PRKN: variants seen among roughly 807,000 people sequenced by gnomAD.
The protein encoded by PRKN is E3 ubiquitin-protein ligase parkin.
PRKN carries 56 observed loss-of-function variants against 59.5 expected under a neutral mutation model. That is an observed-to-expected ratio of 0.94 (90% confidence interval 0.76 to 1.18). The LOEUF (loss-of-function observed/expected upper bound fraction) is 1.18. Ranked by LOEUF, PRKN falls within the 50% of genes most tolerant of loss-of-function variation. The pLI, the probability that PRKN is intolerant of heterozygous loss-of-function variation, is 0.00. For synonymous variants in PRKN, 250 were observed against 222.1 expected, an observed-to-expected ratio of 1.13 and a Z score of -1.12; for missense variants, 657 against 596.4, an observed-to-expected ratio of 1.10 and a Z score of -1.06.
intron 2 of PRKN, among the ~76,000 whole-genome samples, chr6:162,343,137 G>T (rs1784259392): frequency 6.6e-6 from 1 of 152,098 alleles, no homozygotes; most frequent in Non-Finnish European, 1.5e-5. Context: ...AGAAATATCT[G>T]CTTATTACAT....
chr6:161,638,073 A>T lies in PRKN; in HGVS notation c.872-68657T>A, dbSNP rs547601785. On this transcript the variant is annotated intron_variant, in intron 7 of 11. Coordinates refer to ENST00000366898, the MANE Select transcript of PRKN (RefSeq NM_004562.3). ...GACAAACAATGCCTCCCACCATCAC[A>T]GATAATAATTACAAAACTTTACCTT... 9.9e-5 allele frequency among the ~76,000 whole-genome samples: 15 copies of T among 152,060 alleles called. No individual in the cohort carries two copies. In the South Asian group the frequency reaches 1.0e-3, roughly 11 times the overall value.
At chr6:162,650,597 C>CAAAAAA (rs142452684) in intron 1 of PRKN, among the ~76,000 whole-genome samples, 1 of 95,368 alleles carries the variant, frequency 1.0e-5, no homozygotes, top group Non-Finnish European at 2.0e-5. Flanking sequence ...GACTCCGTCT[C>CAAAAAA]AAAAAAAAAA....
intron 5 of PRKN, among the ~76,000 whole-genome samples, chr6:161,984,291 T>G (rs1781354467): frequency 1.3e-5 from 2 of 152,196 alleles, no homozygotes; most frequent in South Asian, 4.1e-4. Context: ...GGAGTCTCAT[T>G]CTGTTGCCCA....
intron 9 of PRKN, among the ~76,000 whole-genome samples, chr6:161,542,219 C>T (rs918284931): frequency 6.6e-6 from 1 of 152,204 alleles, no homozygotes; most frequent in Non-Finnish European, 1.5e-5. Flanking sequence ...ATGTGACATA[C>T]AAAATACCTG....
intron 6 of PRKN, among the ~76,000 whole-genome samples, chr6:161,909,349 T>A (rs1413331273): frequency 6.6e-6 from 1 of 152,220 alleles, no homozygotes; most frequent in Non-Finnish European, 1.5e-5. Flanking sequence ...AGGTATTTCA[T>A]CTATTTGTTC....
chr6:162,039,344 G>C (rs1783973671), intron 5 of PRKN, among the ~76,000 whole-genome samples: 1 of 152,220 alleles, frequency 6.6e-6, no homozygotes, highest in Non-Finnish European at 1.5e-5. Flanking sequence ...CAAGTCTTCT[G>C]TTGAATTAGA....
chr6:162,335,145 C>G (rs1422702119), intron 2 of PRKN, among the ~76,000 whole-genome samples: 1 of 151,812 alleles, frequency 6.6e-6, no homozygotes, highest in Non-Finnish European at 1.5e-5. Flanking sequence ...TCCCGAGTAC[C>G]TGTGATTATA....
intron 9 of PRKN, among the ~76,000 whole-genome samples, chr6:161,478,111 C>A (rs930209615): frequency 1.3e-5 from 2 of 152,038 alleles, no homozygotes; most frequent in South Asian, 4.1e-4. Context: ...AGATTTGGGG[C>A]CTGGTTGATT....
At chr6:162,594,603 A>C (rs1253258955) in intron 1 of PRKN, among the ~76,000 whole-genome samples, 2 of 152,206 alleles carry the variant, frequency 1.3e-5, no homozygotes, top group Non-Finnish European at 2.9e-5. Context: ...ACTGAATTAC[A>C]TAGGCTAGTT....
chr6:162,566,290 A>G, intron 1 of PRKN, among the ~76,000 whole-genome samples: 1 of 151,130 alleles, frequency 6.6e-6, no homozygotes, highest in Non-Finnish European at 1.5e-5. Flanking sequence ...AATAAAGATC[A>G]GAGCAGAAAT....
chr6:162,119,184 T>C (rs570311181), intron 4 of PRKN, among the ~76,000 whole-genome samples: 3 of 152,296 alleles, frequency 2.0e-5, no homozygotes, highest in South Asian at 2.1e-4. Flanking sequence ...GAAGTGAAGA[T>C]ACCTTATTAG....
At chr6:161,920,048 TA>T (rs1443178606) in intron 6 of PRKN, among the ~76,000 whole-genome samples, 2 of 152,216 alleles carry the variant, frequency 1.3e-5, no homozygotes, top group Non-Finnish European at 2.9e-5. Context: ...GCTGCTGGGT[TA>T]AAAACCTGTA....
intron 2 of PRKN, among the ~76,000 whole-genome samples, chr6:162,293,249 G>C (rs1893557): frequency 0.47 from 71,090 of 152,054 alleles, 19,430 homozygotes; most frequent in African/African-American, 0.75. Context: ...GGCCCTATGG[G>C]CTGATCATCC....
chr6:162,428,112 TTA>T lies in PRKN; in HGVS notation c.171+15196_171+15197del, dbSNP rs563170517. Among the ~76,000 whole-genome samples the T allele has an allele frequency of 8.5e-5, 13 of 152,332 alleles. No homozygotes were observed. In the South Asian group the frequency reaches 2.7e-3, roughly 32 times the overall value. On this transcript the variant is annotated intron_variant, in intron 2 of 11. Transcript: ENST00000366898. ...CTCCCTACAAAGTTTATACAATGGT[TTA>T]TATATAATTCATTCATCTTTGACTT...
chr6:161,800,883 G>C (rs1791047945), intron 6 of PRKN, among the ~76,000 whole-genome samples: 2 of 152,124 alleles, frequency 1.3e-5, no homozygotes, highest in Admixed American at 1.3e-4. Context: ...TGCTTTCTCG[G>C]CATCACTATT....
Position 162,024,148 on chromosome 6 carries a change from T to G in PRKN, c.618+29943A>C, listed in dbSNP as rs112058641. 3.0e-3 allele frequency among the ~76,000 whole-genome samples: 450 copies of G among 151,958 alleles called. 5 individuals are homozygous for G. The highest frequency in any genetic ancestry group is 0.01 in the African/African-American group (423 of 41,430). On this transcript the variant is annotated intron_variant, in intron 5 of 11. Transcript: ENST00000366898. ...GAACACAGGATGTTTTCCAGTTTGT[T>G]TGTGTCAGGTACGAGTCCCTCCCTT... is the stretch of plus-strand genomic sequence containing the variant.
At chr6:162,518,514 G>A (rs534584331) in intron 1 of PRKN, among the ~76,000 whole-genome samples, 1 of 152,044 alleles carries the variant, frequency 6.6e-6, no homozygotes, top group African/African-American at 2.4e-5. Flanking sequence ...TTACGGGCGG[G>A]TGCCACCACG....
chr6:162,604,975 T>C (rs1400139978), intron 1 of PRKN, among the ~76,000 whole-genome samples: 2 of 152,100 alleles, frequency 1.3e-5, no homozygotes, highest in Admixed American at 6.6e-5. Context: ...ATTTTCCACA[T>C]AGATTTCTAT....
intron 1 of PRKN, among the ~76,000 whole-genome samples, chr6:162,611,097 G>A (rs1309963517): frequency 6.6e-6 from 1 of 152,128 alleles, no homozygotes; most frequent in Non-Finnish European, 1.5e-5. Flanking sequence ...GAATCCTTTT[G>A]TAATATCTAT....
Sources: allele counts gnomAD v4.1 joint callset (sites outside exome capture counted in the v4.1 genomes callset), GRCh38; gene constraint gnomAD v4.1.1; transcripts MANE v1.5; gene names NCBI Gene and HGNC (gene_info 2026-07-23, HGNC 2026-07-21).